The following XIRP2 variants were observed in gnomAD, a reference collection of about 807,000 sequenced individuals.
The protein encoded by XIRP2 is xin actin binding repeat containing 2, also known as xin actin-binding repeat-containing protein 2.
XIRP2 carries 236 observed loss-of-function variants against 277.0 expected under a neutral mutation model. The observed-to-expected ratio is 0.85, with a 90% CI of 0.77 to 0.95. The LOEUF is 0.95. Among genes scored for constraint, XIRP2 ranks in the 40% least tolerant of loss-of-function variants. XIRP2 has a pLI of 0.00. For synonymous variants in XIRP2, 1,490 were observed against 1,416.5 expected, an observed-to-expected ratio of 1.05 and a Z score of -1.17; for missense variants, 4,640 against 4,157.5, an observed-to-expected ratio of 1.12 and a Z score of -3.19.
At chr2:167,066,621 T>C (rs983553736) in intron 2 of XIRP2, among the ~76,000 whole-genome samples, 1 of 152,048 alleles carries the variant, frequency 6.6e-6, no homozygotes, top group African/African-American at 2.4e-5. Flanking sequence ...CACTTCTACG[T>C]ACATATCCAA....
At chr2:167,129,039 G>A (rs961197931) in intron 2 of XIRP2, among the ~76,000 whole-genome samples, 1 of 152,036 alleles carries the variant, frequency 6.6e-6, no homozygotes, top group Non-Finnish European at 1.5e-5. Context: ...AATACATAGT[G>A]GGAGAAGGTA....
intron 2 of XIRP2, among the ~76,000 whole-genome samples, chr2:167,053,506 G>A (rs973253301): frequency 3.9e-5 from 6 of 152,002 alleles, no homozygotes; most frequent in African/African-American, 1.2e-4. Context: ...CATCTTGCAC[G>A]GAGCTGATTA....
At chr2:167,042,662 T>A (rs1281101030) in intron 2 of XIRP2, among the ~76,000 whole-genome samples, 1 of 152,156 alleles carries the variant, frequency 6.6e-6, no homozygotes, top group African/African-American at 2.4e-5. Context: ...GACTTAACTG[T>A]CCTAAATATA....
At chr2:167,083,672 T>C (rs1457734938) in intron 2 of XIRP2, among the ~76,000 whole-genome samples, 1 of 152,168 alleles carries the variant, frequency 6.6e-6, no homozygotes, top group African/African-American at 2.4e-5. Flanking sequence ...CCCTTGTAAG[T>C]TGGATTCCTA....
Position 167,243,822 on chromosome 2 carries a change from G to A in XIRP2, c.2430G>A (p.Trp810Ter), listed in dbSNP as rs1285230507. 1.2e-6 allele frequency: 2 copies of A among 1,613,966 alleles called. No individual in the cohort carries two copies. The highest frequency in any genetic ancestry group is 1.1e-5 in the South Asian group (1 of 91,064). Residue 810 changes from tryptophan to a stop codon, truncating the protein, a stop_gained, in exon 9 of 11, where the codon TGG becomes TGA. Transcript: ENST00000409195. LOFTEE classifies it high-confidence loss of function. The part of the protein sequence containing the change: ...NVKGGVSKAK[W>*]LFETQPLEKI... ...AAGGTGGGGTGAGTAAGGCAAAGTG[G>A]TTATTTGAAACCCAACCTTTGGAGA...
intron 3 of XIRP2, among the ~76,000 whole-genome samples, chr2:167,142,205 C>T (rs927004508): frequency 5.9e-5 from 9 of 152,130 alleles, no homozygotes; most frequent in African/African-American, 1.9e-4. Flanking sequence ...GCAGGGCTGA[C>T]TGAGGGCTTG....
At chr2:167,215,774 A>G (rs1694228615) in intron 4 of XIRP2, among the ~76,000 whole-genome samples, 1 of 152,148 alleles carries the variant, frequency 6.6e-6, no homozygotes. Context: ...TGTTTCCTTG[A>G]GAATTATCCC....
Position 167,210,820 on chromosome 2 carries a change from G to A in XIRP2, c.648G>A (p.Val216=), listed in dbSNP as rs1694003748. 4 of 1,614,058 alleles carry A rather than the reference G, an allele frequency of 2.5e-6. No homozygotes were observed. In the African/African-American group the frequency reaches 4.0e-5, roughly 16 times the overall value. ...AGGGTGTGTCAGACCTCCACGAAGT[G>A]GTCTCCCTGAAGGAGCGGATGGCGA... The part of the protein sequence containing the change: ...RGEGVSDLHE[V]VSLKERMARY... Residue 216 remains valine, a synonymous_variant, in exon 4 of 11, where the codon GTG becomes GTA. Transcript: ENST00000409195.
Position 167,248,378 on chromosome 2 carries a change from T to C in XIRP2, c.6986T>C (p.Leu2329Pro). 1 of 1,613,820 alleles carries C rather than the reference T, an allele frequency of 6.2e-7. No homozygotes were observed. Among genetic ancestry groups the C allele is most frequent in the Non-Finnish European group, 8.5e-7 (1 of 1,179,842 alleles). Residue 2329 changes from leucine (L) to proline (P), a missense_variant, in exon 9 of 11, where the codon CTG becomes CCG. Physicochemically the swap from Leu to Pro is moderately conservative, Grantham distance 98. Coordinates refer to ENST00000409195, the MANE Select transcript of XIRP2 (RefSeq NM_152381.6). ...FPEKNGFLPS[L>P]STEKIKAEFE... The stretch of plus-strand genomic sequence containing the variant: ...GAAAAAAATGGGTTTCTTCCCTCAC[T>C]GTCCACAGAGAAGATAAAGGCTGAA...
At chr2:167,151,034 C>T (rs932292083) in intron 3 of XIRP2, among the ~76,000 whole-genome samples, 1 of 152,042 alleles carries the variant, frequency 6.6e-6, no homozygotes, top group Non-Finnish European at 1.5e-5. Context: ...CCTACAACTT[C>T]AAAAATCCTG....
chr2:167,087,651 G>A (rs917833281), intron 2 of XIRP2, among the ~76,000 whole-genome samples: 18 of 152,336 alleles, frequency 1.2e-4, no homozygotes, highest in South Asian at 8.3e-4. Flanking sequence ...GTGGTGTGCC[G>A]TTTTTTAAGC....
At chr2:167,029,041 A>C (rs1020204850) in intron 2 of XIRP2, among the ~76,000 whole-genome samples, 2 of 151,962 alleles carry the variant, frequency 1.3e-5, no homozygotes, top group Non-Finnish European at 2.9e-5. Flanking sequence ...AAAAAGAATG[A>C]AAAACAATGA....
intron 1 of XIRP2, among the ~76,000 whole-genome samples, chr2:166,893,649 ATTC>A (rs1684166301): frequency 6.6e-6 from 1 of 152,144 alleles, no homozygotes; most frequent in Admixed American, 6.6e-5. Flanking sequence ...ATTAAAGAAT[ATTC>A]TTCTATTAAA....
At chr2:167,021,231 T>G (rs1000279101) in intron 2 of XIRP2, among the ~76,000 whole-genome samples, 5 of 152,100 alleles carry the variant, frequency 3.3e-5, no homozygotes, top group Non-Finnish European at 7.4e-5. Flanking sequence ...AGATTTTGTT[T>G]GAATAAATCG....
At chr2:167,038,567 A>C (rs774037068) in intron 2 of XIRP2, among the ~76,000 whole-genome samples, 4 of 151,444 alleles carry the variant, frequency 2.6e-5, no homozygotes. Context: ...GTAGTGATAT[A>C]ACATATAATA....
chr2:166,922,778 A>C (rs1213070397), intron 2 of XIRP2, among the ~76,000 whole-genome samples: 1 of 151,672 alleles, frequency 6.6e-6, no homozygotes, highest in Non-Finnish European at 1.5e-5. Context: ...AAAGTAAGCA[A>C]ACTAGAAATC....
intron 2 of XIRP2, among the ~76,000 whole-genome samples, chr2:166,951,319 G>A (rs1243364073): frequency 1.3e-5 from 2 of 151,926 alleles, no homozygotes; most frequent in African/African-American, 4.8e-5. Flanking sequence ...TCAGCTTCTG[G>A]GGAGGCTTAG....
intron 3 of XIRP2, among the ~76,000 whole-genome samples, chr2:167,190,321 C>T (rs1293536211): frequency 6.6e-6 from 1 of 151,826 alleles, no homozygotes; most frequent in East Asian, 2.0e-4. Flanking sequence ...TGTTCTAATC[C>T]TCTAATCACT....
At chr2:167,204,338 A>G (rs1426462550) in intron 3 of XIRP2, among the ~76,000 whole-genome samples, 2 of 152,192 alleles carry the variant, frequency 1.3e-5, no homozygotes, top group Non-Finnish European at 2.9e-5. Flanking sequence ...ATAACAGAAA[A>G]AGGCATCTCT....
Sources: allele counts gnomAD v4.1 joint callset (sites outside exome capture counted in the v4.1 genomes callset), GRCh38; gene constraint gnomAD v4.1.1; transcripts MANE v1.5; gene names NCBI Gene and HGNC (gene_info 2026-07-23, HGNC 2026-07-21).